DOK1: variants seen among roughly 807,000 people sequenced by gnomAD.
DOK1 encodes Downstream of tyrosine kinase 1.
Under a neutral mutation model 24.0 loss-of-function variants are expected in DOK1, and 12 were observed. That is an observed-to-expected ratio of 0.50 (90% CI 0.32 to 0.81). The LOEUF (loss-of-function observed/expected upper bound fraction) is 0.81. DOK1 is among the 30% of genes least tolerant of loss of function. DOK1 has a pLI of 0.03. For missense variants in DOK1, 591 were observed against 620.7 expected (o/e 0.95, Z 0.51); for synonymous variants, 250 against 260.9 (o/e 0.96, Z 0.40).
upstream of DOK1, among the ~76,000 whole-genome samples, chr2:74,552,029 G>C (rs1046579102): frequency 2.0e-5 from 3 of 152,236 alleles, no homozygotes; most frequent in Admixed American, 6.5e-5. Flanking sequence ...CTGTATCTGG[G>C]CTGTTTTGTG....
At chr2:74,550,314 C>T (rs1284834257), upstream of DOK1, 1 of 1,613,916 alleles carries the variant, frequency 6.2e-7, no homozygotes, top group Non-Finnish European at 8.5e-7. Context: ...TCTGCTCGGT[C>T]CCACTGCAGC....
At chr2:74,550,386 G>A, upstream of DOK1, 1 of 1,599,524 alleles carries the variant, frequency 6.3e-7, no homozygotes, top group Non-Finnish European at 8.5e-7. Context: ...GAAGCTTGGG[G>A]AGGGAGGATG....
At position 74,556,954 on chromosome 2, in the gene DOK1, C is replaced by T; in HGVS notation, c.1286C>T (p.Ala429Val). 6.2e-7 allele frequency: 1 copy of T among 1,614,160 alleles called. No homozygotes were observed. The highest frequency in any genetic ancestry group is 8.5e-7 in the Non-Finnish European group (1 of 1,180,006). The change falls in exon 5 of 5, where the codon GCC becomes GTC. Residue 429 changes from alanine (A) to valine (V), a missense_variant. By Grantham distance (64) the Ala-to-Val change is moderately conservative. Coordinates refer to ENST00000233668, the MANE Select transcript of DOK1 (RefSeq NM_001381.5). This position sits in a 1 kb window ranked among gnomAD's most constrained non-coding sequence, Gnocchi z 4.1. ...PLLAPKPQGP[A>V]FPEPGTATGS... ...CTTGCTCCCAAGCCCCAGGGCCCAG[C>T]CTTCCCTGAACCTGGTACTGCAACT...
At position 74,556,677 on chromosome 2, in the gene DOK1, T is replaced by C; in HGVS notation, c.1009T>C (p.Tyr337His). ...GEGVQRKKPL[Y>H]WDLYEHAQQQ... ...GGGAGTACAACGGAAGAAACCTCTCTATTGGGACTTGTATGAGCATGCGCA... is the reference window on the plus strand; with the variant it reads ...GGGAGTACAACGGAAGAAACCTCTCCATTGGGACTTGTATGAGCATGCGCA... Residue 337 changes from tyrosine to histidine, a missense_variant, in exon 5 of 5, where the codon TAT (tyrosine) becomes CAT (histidine). Coordinates refer to ENST00000233668, the MANE Select transcript of DOK1 (RefSeq NM_001381.5). The surrounding 1 kb of genome is among the most constrained non-coding windows in gnomAD (Gnocchi z 4.1). 2 of 1,614,224 alleles carry C rather than the reference T, an allele frequency of 1.2e-6. No homozygotes were observed. Among genetic ancestry groups the C allele is most frequent in the South Asian group, 2.2e-5 (2 of 91,090 alleles).
At chr2:74,550,254 G>T (rs765045744), upstream of DOK1, 1 of 1,614,038 alleles carries the variant, frequency 6.2e-7, no homozygotes, top group Admixed American at 1.7e-5. Flanking sequence ...CATCCTCATC[G>T]TGCGTACAGT....
chr2:74,549,806 A>C (rs1676883206), upstream of DOK1: 1 of 1,411,926 alleles, frequency 7.1e-7, no homozygotes, highest in Non-Finnish European at 9.2e-7. This position sits in a 1 kb window ranked among gnomAD's most constrained non-coding sequence, Gnocchi z 5.3. Flanking sequence ...GATTCAGGGC[A>C]CTAGGAAGGA....
At position 74,557,526 on chromosome 2, in the gene DOK1, C is replaced by T. The variant is rs1269194523; in HGVS notation, c.*412C>T. On this transcript the variant is annotated 3_prime_UTR_variant, in exon 5 of 5. Transcript: ENST00000233668. The stretch of plus-strand genomic sequence containing the variant: ...ACCTATTTAAAAATTTTAAAATTCT[C>T]ATTAAAGTCAGCTTGGGTTTAAGAA... The T allele has an allele frequency of 6.1e-6, 1 of 164,138 alleles. No individual in the cohort carries two copies. The highest frequency in any genetic ancestry group is 1.3e-5 in the Non-Finnish European group (1 of 75,006). The allele number at this position is 164,138 out of a possible 1,614,324, so 10.2% of individuals were successfully genotyped here. A position where few individuals can be genotyped will look rare whatever the true frequency, so the allele number is the denominator to read the frequency against.
Position 74,555,224 on chromosome 2 carries a change from A to G in DOK1, c.131A>G (p.Asp44Gly), listed in dbSNP as rs572813451. 1 of 1,613,622 alleles carries G rather than the reference A, an allele frequency of 6.2e-7. No homozygotes were observed. Among genetic ancestry groups the G allele is most frequent in the Admixed American group, 1.7e-5 (1 of 60,026 alleles). The change falls in exon 2 of 5, where the codon GAC (aspartate) becomes GGC (glycine). Residue 44 changes from aspartate (D) to glycine (G), a missense_variant. Physicochemically the swap from Asp to Gly is moderately conservative, Grantham distance 94. Transcript: ENST00000233668. This position sits in a 1 kb window ranked among gnomAD's most constrained non-coding sequence, Gnocchi z 6.1. ...PHGVARLEFF[D>G]HKGSSSGGGR... ...GGCGTAGCGCGGCTCGAGTTCTTTG[A>G]CCATAAGGGGTCGAGCTCTGGGGGT...
At chr2:74,554,529 C>G, upstream of DOK1, 1 of 572,726 alleles carries the variant, frequency 1.7e-6, no homozygotes, top group South Asian at 2.1e-5. The surrounding 1 kb of genome is among the most constrained non-coding windows in gnomAD (Gnocchi z 4.9). Context: ...GAGCCACTGG[C>G]GCGCCCCCAC....
chr2:74,553,851 C>A, upstream of DOK1: 1 of 152,790 alleles, frequency 6.5e-6, no homozygotes. Context: ...CTCATTCCCT[C>A]TGCGGTTAGC....
chr2:74,555,578 G>A lies in DOK1; in HGVS notation c.364G>A (p.Gly122Ser), dbSNP rs765439522. 14 of 1,614,086 alleles carry A rather than the reference G, an allele frequency of 8.7e-6. No homozygotes were observed. Among genetic ancestry groups the A allele is most frequent in the Non-Finnish European group, 1.1e-5 (13 of 1,180,054 alleles). ...QTLCRNAFPK[G>S]SWTLAPTDNP... is the part of the protein sequence containing the mutation. ...TTCTCGATGCTCTCTACTACAGAAA[G>A]GCAGCTGGACTCTGGCGCCTACCGA... is the stretch of plus-strand genomic sequence containing the variant. Residue 122 changes from glycine to serine, a missense_variant, in exon 3 of 5, where the codon GGC becomes AGC. Gly to Ser is a moderately conservative substitution (Grantham distance 56). Coordinates refer to ENST00000233668, the MANE Select transcript of DOK1 (RefSeq NM_001381.5). The surrounding 1 kb of genome is among the most constrained non-coding windows in gnomAD (Gnocchi z 6.1).
Position 74,556,288 on chromosome 2 carries a change from T to A in DOK1, c.640-20T>A, listed in dbSNP as rs752833727. The stretch of plus-strand genomic sequence containing the variant: ...CTCTGATGGCTCCTGGTAATGTGTT[T>A]CCCCCTCTACCCTCCTTAGGTCATG... On this transcript the variant is annotated intron_variant, in intron 4 of 4. Coordinates refer to ENST00000233668, the MANE Select transcript of DOK1 (RefSeq NM_001381.5). The surrounding 1 kb of genome is among the most constrained non-coding windows in gnomAD (Gnocchi z 4.1). The A allele has an allele frequency of 1.9e-6, 3 of 1,601,610 alleles. No homozygotes were observed. The South Asian group carries it at 3.3e-5, about 18-fold the overall frequency.
In DOK1 at chr2:74,554,940, G is replaced by A; in HGVS notation, c.60+126G>A. The A allele has an allele frequency of 1.3e-6, 2 of 1,506,066 alleles. No homozygotes were observed. Among genetic ancestry groups the A allele is most frequent in the Non-Finnish European group, 1.8e-6 (2 of 1,105,860 alleles). The allele number at this position is 1,506,066 out of a possible 1,614,324, so 93.3% of individuals were successfully genotyped here. A position where few individuals can be genotyped will look rare whatever the true frequency, so the allele number is the denominator to read the frequency against. On this transcript the variant is annotated intron_variant, in intron 1 of 4. Transcript: ENST00000233668. The surrounding 1 kb of genome is among the most constrained non-coding windows in gnomAD (Gnocchi z 4.9). Reference sequence around the variant, plus strand: ...GAGTTGGAGAGCCTGTGACTTTCCCGTGAAGTTGCTTTGCACACTCCCGGG... The same window carrying A: ...GAGTTGGAGAGCCTGTGACTTTCCCATGAAGTTGCTTTGCACACTCCCGGG...
chr2:74,554,358 A>C, upstream of DOK1: 1 of 202,226 alleles, frequency 4.9e-6, no homozygotes, highest in African/African-American at 2.4e-5. The surrounding 1 kb of genome is among the most constrained non-coding windows in gnomAD (Gnocchi z 4.9). Context: ...GGCCAGGGTA[A>C]ATAAAGCCCC....
At chr2:74,552,493 C>T, upstream of DOK1, 1 of 1,613,552 alleles carries the variant, frequency 6.2e-7, no homozygotes, top group Non-Finnish European at 8.5e-7. Context: ...CTGGGGAAGC[C>T]AGCCAGCCGG....
upstream of DOK1, chr2:74,549,864 G>A (rs1676887189): frequency 1.0e-6 from 1 of 985,322 alleles, no homozygotes; most frequent in African/African-American, 1.7e-5. This position sits in a 1 kb window ranked among gnomAD's most constrained non-coding sequence, Gnocchi z 5.3. Context: ...AAAAGGAAAT[G>A]GCTTTGAAGG....
upstream of DOK1, chr2:74,550,215 G>A (rs1342212982): frequency 6.2e-7 from 1 of 1,613,946 alleles, no homozygotes; most frequent in Non-Finnish European, 8.5e-7. Context: ...AGAAGCCAGG[G>A]AGGCGCTGGT....
Position 74,556,666 on chromosome 2 carries a change from A to G in DOK1, c.998A>G (p.Lys333Arg). The change falls in exon 5 of 5, where the codon AAG (lysine) becomes AGG (arginine). Residue 333 changes from lysine to arginine, a missense_variant. Transcript: ENST00000233668. The surrounding 1 kb of genome is among the most constrained non-coding windows in gnomAD (Gnocchi z 4.1). ...SAQAGEGVQR[K>R]KPLYWDLYEH... ...CAGGCAGGAGAGGGAGTACAACGGAAGAAACCTCTCTATTGGGACTTGTAT... is the reference window on the plus strand; with the variant it reads ...CAGGCAGGAGAGGGAGTACAACGGAGGAAACCTCTCTATTGGGACTTGTAT... 6.2e-7 allele frequency: 1 copy of G among 1,614,272 alleles called. No homozygotes were observed. The highest frequency in any genetic ancestry group is 2.2e-5 in the East Asian group (1 of 44,886).
In DOK1 at chr2:74,556,597, C is replaced by G; in HGVS notation, c.929C>G (p.Ser310Cys). The G allele has an allele frequency of 1.2e-6, 2 of 1,614,244 alleles. No individual in the cohort carries two copies. Among genetic ancestry groups the G allele is most frequent in the Non-Finnish European group, 1.7e-6 (2 of 1,180,040 alleles). Reference protein sequence around the residue: ...LDSLRIAPCPSQDSLYSDPLD... With the variant: ...LDSLRIAPCPCQDSLYSDPLD... ...TCCCTGCGCATTGCTCCATGCCCTT[C>G]CCAGGACTCCCTATACTCAGACCCC... The change falls in exon 5 of 5, where the codon TCC becomes TGC. Residue 310 changes from serine to cysteine, a missense_variant. Transcript: ENST00000233668. The surrounding 1 kb of genome is among the most constrained non-coding windows in gnomAD (Gnocchi z 4.1).
Sources: gnomAD v4.1 joint callset for allele counts (sites outside exome capture counted in the v4.1 genomes callset) on GRCh38, gnomAD v4.1.1 for gene constraint, Gnocchi (gnomAD v3.1) non-coding constraint, MANE v1.5 for transcripts, NCBI Gene and HGNC (gene_info 2026-07-23, HGNC 2026-07-21) for gene names.